ATP13A3: variants seen among roughly 807,000 people sequenced by gnomAD.
ATP13A3 encodes the protein ATPase 13A3.
Under a neutral mutation model 158.1 loss-of-function variants are expected in ATP13A3, and 59 were observed. The ratio of observed to expected loss-of-function variants is 0.37; its 90% CI spans 0.30 to 0.46. ATP13A3 has a LOEUF of 0.46. Among genes scored for constraint, ATP13A3 ranks in the 20% least tolerant of loss-of-function variants. The pLI, the probability that ATP13A3 is intolerant of heterozygous loss-of-function variation, is 1.00. For missense variants in ATP13A3, 1,166 were observed against 1,525.2 expected, an observed-to-expected ratio of 0.76 and a Z score of 3.92; for synonymous variants, 491 against 504.3, an observed-to-expected ratio of 0.97 and a Z score of 0.35.
At chr3:194,447,778 C>T (rs2108896336) in intron 13 of ATP13A3, 74 bp downstream of exon 13, 4 of 1,340,014 alleles carry the variant, frequency 3.0e-6, no homozygotes, top group Non-Finnish European at 4.1e-6. Flanking sequence ...TCAGTAGCCA[C>T]ATTTCAAATC....
intron 28 of ATP13A3, among the ~76,000 whole-genome samples, chr3:194,427,805 T>C (rs891192851): frequency 3.3e-5 from 5 of 152,158 alleles, no homozygotes; most frequent in Admixed American, 2.0e-4. Flanking sequence ...GTTAAAATAA[T>C]ACACACTTCT....
chr3:194,405,575 T>A lies in ATP13A3; in HGVS notation c.*344A>T. On this transcript the variant is annotated 3_prime_UTR_variant, in exon 34 of 34. Coordinates refer to ENST00000645319, the MANE Select transcript of ATP13A3 (RefSeq NM_001367549.1). Reference sequence around the variant, plus strand: ...GCATAAATGTGAAGAGGTAAACTAGTCTCAAAAACTAATGTTGAAAAACCT... The same window carrying A: ...GCATAAATGTGAAGAGGTAAACTAGACTCAAAAACTAATGTTGAAAAACCT... 4.8e-6 allele frequency: 1 copy of A among 209,972 alleles called. No individual in the cohort carries two copies. Among genetic ancestry groups the A allele is most frequent in the South Asian group, 8.1e-5 (1 of 12,406 alleles). 13.0% of individuals were successfully genotyped at this position (209,972 alleles called of 1,614,324 possible). A position where few individuals can be genotyped will look rare whatever the true frequency, so the allele number is the denominator to read the frequency against.
upstream of ATP13A3, among the ~76,000 whole-genome samples, chr3:194,490,207 C>T (rs546073896): frequency 5.9e-5 from 9 of 152,298 alleles, no homozygotes; most frequent in Admixed American, 5.9e-4. This position sits in a 1 kb window ranked among gnomAD's most constrained non-coding sequence, Gnocchi z 4.4. Context: ...CATCTTCCCA[C>T]CCGCAAATCT....
chr3:194,417,985 A>AAGGGAGGG (rs1197087336), intron 31 of ATP13A3, among the ~76,000 whole-genome samples: 49 of 88,296 alleles, frequency 5.5e-4, no homozygotes, highest in African/African-American at 1.9e-3. Context: ...GGAAGGAAGG[A>AAGGGAGGG]AGGGAGGGAG....
intron 30 of ATP13A3, chr3:194,420,274 G>A (rs1716199070): frequency 1.8e-5 from 3 of 167,750 alleles, no homozygotes; most frequent in Non-Finnish European, 2.5e-5. Flanking sequence ...TTTGTATGTC[G>A]CCCAAATGGA....
At chr3:194,421,136 A>ATATATT (rs1491477047) in intron 30 of ATP13A3, among the ~76,000 whole-genome samples, 1 of 3,022 alleles carries the variant, frequency 3.3e-4, no homozygotes, top group African/African-American at 2.1e-3. Flanking sequence ...ATATATATAT[A>ATATATT]GTATATATAT....
intron 32 of ATP13A3, chr3:194,412,721 A>T (rs1715530979): frequency 5.6e-6 from 1 of 178,024 alleles, no homozygotes; most frequent in Non-Finnish European, 1.2e-5. Context: ...GAAAAGATGA[A>T]CTGATACTGT....
chr3:194,430,837 A>T (rs1297059083), intron 24 of ATP13A3, 106 bp downstream of exon 24: 1 of 786,400 alleles, frequency 1.3e-6, no homozygotes, highest in Admixed American at 3.6e-5. Context: ...TTATATATAT[A>T]AATATGAAAT....
chr3:194,432,057 T>C (rs555991513), intron 21 of ATP13A3, 165 bp from the exon 22 acceptor site: 13 of 569,684 alleles, frequency 2.3e-5, no homozygotes, highest in South Asian at 2.0e-4. Flanking sequence ...AATTGGAGCA[T>C]ACTTATCAAA....
chr3:194,454,490 A>G (rs1719052919), intron 8 of ATP13A3, 98 bp from the exon 9 acceptor site: 1 of 1,286,220 alleles, frequency 7.8e-7, no homozygotes, highest in African/African-American at 1.5e-5. Flanking sequence ...ACAAATATGT[A>G]CAAGATAAGC....
Position 194,459,556 on chromosome 3 carries a change from T to C in ATP13A3, c.409-15A>G. On this transcript the variant is annotated splice_polypyrimidine_tract_variant and intron_variant, in intron 5 of 33. Coordinates refer to ENST00000645319, the MANE Select transcript of ATP13A3 (RefSeq NM_001367549.1). ...AAATAACGAATCTGTGGAACACAAA[T>C]AAACGTTACACCAAAAAGCATATAA... is the stretch of plus-strand genomic sequence containing the variant. 1 of 1,582,568 alleles carries C rather than the reference T, an allele frequency of 6.3e-7. No homozygotes were observed. Among genetic ancestry groups the C allele is most frequent in the Non-Finnish European group, 8.7e-7 (1 of 1,152,466 alleles).
At chr3:194,490,078 A>G (rs2109095713), upstream of ATP13A3, among the ~76,000 whole-genome samples, 1 of 152,260 alleles carries the variant, frequency 6.6e-6, no homozygotes, top group Admixed American at 6.5e-5. The surrounding 1 kb of genome is among the most constrained non-coding windows in gnomAD (Gnocchi z 4.4). Flanking sequence ...ACTTCTCAGA[A>G]AGGCTATTTT....
chr3:194,430,026 T>A, intron 26 of ATP13A3, 46 bp downstream of exon 26: 2 of 1,482,772 alleles, frequency 1.3e-6, no homozygotes, highest in Non-Finnish European at 1.9e-6. Flanking sequence ...TTCTGTATTA[T>A]CAGAGACAGA....
intron 2 of ATP13A3, among the ~76,000 whole-genome samples, chr3:194,470,589 A>G (rs112041288): frequency 0.022 from 3,373 of 152,266 alleles, 116 homozygotes; most frequent in African/African-American, 0.077. Context: ...ATAAAAAAAA[A>G]TGTGCAAAAT....
intron 2 of ATP13A3, among the ~76,000 whole-genome samples, chr3:194,482,423 T>C (rs1255971670): frequency 6.6e-6 from 1 of 152,224 alleles, no homozygotes; most frequent in Non-Finnish European, 1.5e-5. Context: ...ACTCCTTTTA[T>C]AATCACTAGT....
Position 194,447,868 on chromosome 3 carries a change from T to G in ATP13A3, c.1292A>C (p.Asn431Thr). 6.2e-7 allele frequency: 1 copy of G among 1,610,972 alleles called. No homozygotes were observed. The highest frequency in any genetic ancestry group is 1.3e-5 in the African/African-American group (1 of 74,928). Residue 431 changes from asparagine to threonine, a missense_variant, in exon 13 of 34, where the codon AAT becomes ACT. Physicochemically the swap from Asn to Thr is moderately conservative, Grantham distance 65. This residue lies in a region of ATP13A3 where 997 missense variants were observed against 1,341.2 expected (regional missense o/e 0.74). Coordinates refer to ENST00000645319, the MANE Select transcript of ATP13A3 (RefSeq NM_001367549.1). ...CATACATACCTCATTTAAAATGCTA[T>G]TAATAATAGTGTAGATAAACCCAAT... Reference protein sequence around the residue: ...AGIGFIYTIINSILNEVQVGV... With the variant: ...AGIGFIYTIITSILNEVQVGV...
At chr3:194,441,783 C>T (rs1460761592) in intron 15 of ATP13A3, among the ~76,000 whole-genome samples, 1 of 152,082 alleles carries the variant, frequency 6.6e-6, no homozygotes, top group African/African-American at 2.4e-5. Context: ...CTGAAAGGAT[C>T]CCTCTGACTC....
At chr3:194,460,386 C>T (rs1330585012) in intron 4 of ATP13A3, among the ~76,000 whole-genome samples, 1 of 152,080 alleles carries the variant, frequency 6.6e-6, no homozygotes, top group Non-Finnish European at 1.5e-5. Flanking sequence ...TCCTAATGGA[C>T]CAGCACCGTA....
At chr3:194,454,603 C>A (rs1027603967) in intron 8 of ATP13A3, among the ~76,000 whole-genome samples, 4 of 148,496 alleles carry the variant, frequency 2.7e-5, no homozygotes. Flanking sequence ...CCAAGGCGGG[C>A]GGATCATGAG....
Sources: allele counts gnomAD v4.1 joint callset (sites outside exome capture counted in the v4.1 genomes callset), GRCh38; gene constraint gnomAD v4.1.1; regional missense constraint gnomAD v4.1.1; non-coding constraint Gnocchi (gnomAD v3.1); transcripts MANE v1.5; gene names NCBI Gene and HGNC (gene_info 2026-07-23, HGNC 2026-07-21).